IGF1R: variants seen among roughly 807,000 people sequenced by gnomAD.
The protein encoded by IGF1R is insulin-like growth factor 1 receptor.
In IGF1R, 44 loss-of-function variants were observed where a neutral mutation model predicts 144.6. The observed-to-expected ratio is 0.30, with a 90% CI of 0.24 to 0.39. The LOEUF is 0.39. Among genes scored for constraint, IGF1R ranks in the 10% least tolerant of loss-of-function variants. IGF1R has a pLI of 1.00. For synonymous variants in IGF1R, 795 were observed against 722.8 expected (o/e 1.10, Z -1.60); for missense variants, 1,355 against 1,833.7 (o/e 0.74, Z 4.77).
intron 20 of IGF1R, 53 bp downstream of exon 20, chr15:98,948,761 T>A (rs1407569070): frequency 1.3e-6 from 2 of 1,595,446 alleles, no homozygotes; most frequent in Non-Finnish European, 1.7e-6. Context: ...CTCAAATACC[T>A]GTTTTCTTGG....
At position 98,960,791 on chromosome 15, in the gene IGF1R, C is replaced by G. The variant is rs1383848745; in HGVS notation, c.*3349C>G. 3 of 233,824 alleles carry G rather than the reference C, an allele frequency of 1.3e-5. No homozygotes were observed. The highest frequency in any genetic ancestry group is 1.2e-4 in the East Asian group (2 of 16,616). The allele number at this position is 233,824 out of a possible 1,614,324, so 14.5% of individuals were successfully genotyped here. ...CACGCAGGAGCAGAGTCCCCTCCCC[C>G]TCCAGGCTGCCCTCTCAACTTCTCC... On this transcript the variant is annotated 3_prime_UTR_variant, in exon 21 of 21. Coordinates refer to ENST00000650285, the MANE Select transcript of IGF1R (RefSeq NM_000875.5).
intron 2 of IGF1R, among the ~76,000 whole-genome samples, chr15:98,818,467 A>G (rs1441697929): frequency 3.3e-5 from 5 of 152,040 alleles, no homozygotes; most frequent in African/African-American, 1.2e-4. Context: ...GAGACCGCTT[A>G]GGAAGCTGCT....
chr15:98,910,960 C>T (rs561803788), intron 6 of IGF1R, among the ~76,000 whole-genome samples: 144 of 152,362 alleles, frequency 9.5e-4, no homozygotes, highest in African/African-American at 3.4e-3. Flanking sequence ...CACCTTCACC[C>T]TACCAGGCCC....
At chr15:98,815,601 G>A (rs893326121) in intron 2 of IGF1R, among the ~76,000 whole-genome samples, 4 of 152,134 alleles carry the variant, frequency 2.6e-5, no homozygotes, top group Admixed American at 1.3e-4. Flanking sequence ...GATGAGGGAG[G>A]GAGGAAAGAG....
chr15:98,739,596 G>A (rs1345546249), intron 2 of IGF1R, among the ~76,000 whole-genome samples: 2 of 138,222 alleles, frequency 1.4e-5, no homozygotes, highest in Non-Finnish European at 3.1e-5. Flanking sequence ...GTGAAAAATG[G>A]TACCTTTGCT....
intron 2 of IGF1R, among the ~76,000 whole-genome samples, chr15:98,859,223 C>A (rs945032454): frequency 2.6e-5 from 4 of 152,106 alleles, no homozygotes; most frequent in Non-Finnish European, 2.9e-5. Flanking sequence ...ATAATTATGA[C>A]CAGTGTATTG....
rs2015522732 is a variant in IGF1R, at chr15:98,922,274, T to C, written c.2328T>C (p.Pro776=). 6.2e-7 allele frequency: 1 copy of C among 1,614,140 alleles called. No individual in the cohort carries two copies. Among genetic ancestry groups the C allele is most frequent in the Non-Finnish European group, 8.5e-7 (1 of 1,180,030 alleles). Reference sequence around the variant, plus strand: ...CGGAAGAGCTGGAGACAGAGTACCCTTTCTTTGAGAGCAGAGTGGATAACA... The same window carrying C: ...CGGAAGAGCTGGAGACAGAGTACCCCTTCTTTGAGAGCAGAGTGGATAACA... The part of the protein sequence containing the change: ...TDPEELETEY[P]FFESRVDNKE... The change falls in exon 11 of 21, where the codon CCT becomes CCC. Residue 776 remains proline, a synonymous_variant. Transcript: ENST00000650285.
At chr15:98,920,781 G>A (rs1193201189) in intron 10 of IGF1R, among the ~76,000 whole-genome samples, 2 of 152,116 alleles carry the variant, frequency 1.3e-5, no homozygotes, top group African/African-American at 2.4e-5. Context: ...CCTTCGGTAG[G>A]ACCCCCGTGT....
chr15:98,783,690 T>G (rs1256625696), intron 2 of IGF1R, among the ~76,000 whole-genome samples: 1 of 152,200 alleles, frequency 6.6e-6, no homozygotes, highest in Admixed American at 6.5e-5. Flanking sequence ...AGATACAACT[T>G]ATTGAACTCA....
intron 2 of IGF1R, among the ~76,000 whole-genome samples, chr15:98,778,543 G>A (rs551744799): frequency 6.6e-6 from 1 of 152,314 alleles, no homozygotes; most frequent in African/African-American, 2.4e-5. Context: ...CACCCACAGG[G>A]CCCTTGATAA....
At chr15:98,650,970 GA>G in intron 1 of IGF1R, 1 of 985,158 alleles carries the variant, frequency 1.0e-6, no homozygotes, top group Non-Finnish European at 1.2e-6. Flanking sequence ...TTATTCTTCT[GA>G]AAAAGTTGAA....
intron 20 of IGF1R, among the ~76,000 whole-genome samples, chr15:98,951,970 C>T (rs534413589): frequency 6.6e-6 from 1 of 152,324 alleles, no homozygotes; most frequent in Non-Finnish European, 1.5e-5. Context: ...CACATCATCC[C>T]TGTGTTGTCA....
intron 2 of IGF1R, among the ~76,000 whole-genome samples, chr15:98,815,680 A>C (rs1005994186): frequency 6.6e-6 from 1 of 152,132 alleles, no homozygotes; most frequent in Admixed American, 6.5e-5. Flanking sequence ...ATCTGGTCCA[A>C]AGGAGAGTTT....
At chr15:98,695,541 C>T (rs1309272973) in intron 1 of IGF1R, among the ~76,000 whole-genome samples, 1 of 152,164 alleles carries the variant, frequency 6.6e-6, no homozygotes, top group Non-Finnish European at 1.5e-5. Flanking sequence ...CTGAGTGATC[C>T]CAGGTAGGTC....
chr15:98,941,620 T>C (rs2016369494), intron 18 of IGF1R, among the ~76,000 whole-genome samples: 1 of 152,208 alleles, frequency 6.6e-6, no homozygotes, highest in South Asian at 2.1e-4. Context: ...ACACTTCATT[T>C]TTATTCTTCT....
chr15:98,701,495 C>T (rs893923879), intron 1 of IGF1R, among the ~76,000 whole-genome samples: 1 of 151,960 alleles, frequency 6.6e-6, no homozygotes, highest in East Asian at 1.9e-4. Flanking sequence ...CGCCACCACA[C>T]CCGGCTAATT....
intron 2 of IGF1R, among the ~76,000 whole-genome samples, chr15:98,726,871 C>T (rs2054374569): frequency 6.6e-6 from 1 of 152,092 alleles, no homozygotes; most frequent in African/African-American, 2.4e-5. Context: ...AGGCATCTGT[C>T]ACCATGCCCG....
chr15:98,922,929 T>C (rs531182512), intron 11 of IGF1R, among the ~76,000 whole-genome samples: 1 of 152,338 alleles, frequency 6.6e-6, no homozygotes, highest in East Asian at 1.9e-4. Flanking sequence ...CGGGCATTCA[T>C]CCATCTTTGA....
chr15:98,855,788 C>A (rs924582631), intron 2 of IGF1R, among the ~76,000 whole-genome samples: 5 of 152,174 alleles, frequency 3.3e-5, no homozygotes, highest in African/African-American at 1.2e-4. Flanking sequence ...GTTGTCTGAC[C>A]AGTACTTGGA....
Sources: gnomAD v4.1 joint callset for allele counts (sites outside exome capture counted in the v4.1 genomes callset) on GRCh38, gnomAD v4.1.1 for gene constraint, MANE v1.5 for transcripts, NCBI Gene and HGNC (gene_info 2026-07-23, HGNC 2026-07-21) for gene names.